EYS: variants seen among roughly 807,000 people sequenced by gnomAD.
EYS encodes the protein protein eyes shut homolog.
A neutral mutation model predicts 282.1 loss-of-function variants in EYS; 250 were observed. The observed-to-expected ratio is 0.89, with a 90% confidence interval of 0.80 to 0.98. The LOEUF (loss-of-function observed/expected upper bound fraction) is 0.98. Ranked by LOEUF, EYS falls within the 50% of genes least tolerant of loss-of-function variation. EYS has a pLI of 0.00. For missense variants in EYS, 4,016 were observed against 3,709.0 expected (o/e 1.08, Z -2.15); for synonymous variants, 1,355 against 1,282.9 (o/e 1.06, Z -1.20).
At chr6:64,107,723 A>AT (rs1260742732) in intron 31 of EYS, among the ~76,000 whole-genome samples, 4 of 152,062 alleles carry the variant, frequency 2.6e-5, no homozygotes, top group Middle Eastern at 3.4e-3. Flanking sequence ...TATTCCTCAT[A>AT]TTTTTTTGTT....
At position 64,159,787 on chromosome 6, in the gene EYS, A is replaced by G. The variant is rs58704824; in HGVS notation, c.6424+70805T>C. On this transcript the variant is annotated intron_variant, in intron 31 of 42. Coordinates refer to ENST00000503581, the MANE Select transcript of EYS (RefSeq NM_001142800.2). ...CTTCTTTCCGTATTGTGGGATGTCT[A>G]CAACCCCATGAATGTTCGTTATAGC... 2.4e-3 allele frequency among the ~76,000 whole-genome samples: 364 copies of G among 152,148 alleles called. 1 individual carries two copies. The highest frequency in any genetic ancestry group is 8.3e-3 in the African/African-American group (346 of 41,514).
chr6:65,182,362 G>T (rs904928463), intron 12 of EYS, among the ~76,000 whole-genome samples: 2 of 151,164 alleles, frequency 1.3e-5, no homozygotes, highest in Admixed American at 6.6e-5. Context: ...ATTTTTCCAG[G>T]CCAATTTTAA....
intron 12 of EYS, among the ~76,000 whole-genome samples, chr6:65,069,664 T>C (rs569924582): frequency 1.3e-3 from 198 of 152,062 alleles, no homozygotes; most frequent in African/African-American, 4.5e-3. Context: ...TCATGGGCTC[T>C]CTTTCTCCTC....
At chr6:65,408,877 T>C (rs1383593809) in intron 5 of EYS, among the ~76,000 whole-genome samples, 1 of 152,154 alleles carries the variant, frequency 6.6e-6, no homozygotes, top group Non-Finnish European at 1.5e-5. Context: ...AAGCACAGTA[T>C]AAGCACTGTT....
At chr6:64,179,069 A>C (rs1055965026) in intron 31 of EYS, among the ~76,000 whole-genome samples, 1 of 152,074 alleles carries the variant, frequency 6.6e-6, no homozygotes, top group African/African-American at 2.4e-5. Context: ...ATATTGATTC[A>C]TTTTAAAACC....
chr6:64,657,918 G>A (rs1340871351), intron 22 of EYS, among the ~76,000 whole-genome samples: 1 of 152,150 alleles, frequency 6.6e-6, no homozygotes, highest in Non-Finnish European at 1.5e-5. Flanking sequence ...CTAGATTGGG[G>A]AAGTTCTCCT....
chr6:63,987,781 G>C (rs943149479), intron 34 of EYS, among the ~76,000 whole-genome samples: 1 of 151,620 alleles, frequency 6.6e-6, no homozygotes, highest in Non-Finnish European at 1.5e-5. Flanking sequence ...AAATAATTAA[G>C]TTAGGGGTCT....
At chr6:64,303,239 T>A (rs901584174) in intron 30 of EYS, among the ~76,000 whole-genome samples, 13 of 152,248 alleles carry the variant, frequency 8.5e-5, no homozygotes, top group Non-Finnish European at 1.6e-4. Context: ...CCAGTGGGGT[T>A]CCTTAGTAAC....
intron 26 of EYS, among the ~76,000 whole-genome samples, chr6:64,451,618 C>T (rs548015105): frequency 6.6e-6 from 1 of 152,296 alleles, no homozygotes; most frequent in East Asian, 1.9e-4. Context: ...CAATAAAATA[C>T]TGGCAAACCG....
At chr6:64,067,205 G>A (rs1771403558) in intron 32 of EYS, among the ~76,000 whole-genome samples, 1 of 151,968 alleles carries the variant, frequency 6.6e-6, no homozygotes, top group Non-Finnish European at 1.5e-5. Context: ...ATCTGTCCCT[G>A]GAAGCCCATG....
chr6:65,653,740 C>T (rs1582566800), intron 1 of EYS, among the ~76,000 whole-genome samples: 1 of 151,754 alleles, frequency 6.6e-6, no homozygotes, highest in African/African-American at 2.4e-5. Flanking sequence ...TTTGACATAG[C>T]CGAAGAGTGG....
intron 2 of EYS, among the ~76,000 whole-genome samples, chr6:65,529,270 T>G (rs1355780315): frequency 6.6e-6 from 1 of 152,220 alleles, no homozygotes; most frequent in African/African-American, 2.4e-5. Context: ...GGCTTTTGGA[T>G]GCTTACTTCC....
intron 14 of EYS, among the ~76,000 whole-genome samples, chr6:64,981,433 G>GC (rs1770661816): frequency 6.6e-6 from 1 of 151,092 alleles, no homozygotes; most frequent in African/African-American, 2.4e-5. Context: ...TTTTGTTCAT[G>GC]TTTTTTTCAC....
intron 32 of EYS, among the ~76,000 whole-genome samples, chr6:64,068,759 A>T (rs571401598): frequency 6.6e-6 from 1 of 152,244 alleles, no homozygotes; most frequent in African/African-American, 2.4e-5. Context: ...TCTACCTAGA[A>T]TTAATTTTTC....
chr6:64,933,078 G>A (rs1001680327), intron 15 of EYS, among the ~76,000 whole-genome samples: 3 of 152,050 alleles, frequency 2.0e-5, no homozygotes, highest in Admixed American at 6.6e-5. Flanking sequence ...GAGGACACCC[G>A]AATATTGGAT....
At chr6:64,794,125 T>G (rs1774276080) in intron 22 of EYS, among the ~76,000 whole-genome samples, 1 of 152,166 alleles carries the variant, frequency 6.6e-6, no homozygotes, top group Non-Finnish European at 1.5e-5. Context: ...TTATTTCACT[T>G]AGCATAATGT....
intron 22 of EYS, among the ~76,000 whole-genome samples, chr6:64,672,897 A>C (rs1769516099): frequency 6.6e-6 from 1 of 152,200 alleles, no homozygotes; most frequent in Non-Finnish European, 1.5e-5. Context: ...CAGGGAAATG[A>C]AATATTGCCA....
intron 36 of EYS, among the ~76,000 whole-genome samples, chr6:63,838,171 C>T (rs567986707): frequency 6.6e-6 from 1 of 151,768 alleles, no homozygotes; most frequent in East Asian, 1.9e-4. Context: ...AAATATCTGT[C>T]ATAAATGAGT....
At chr6:65,382,005 CAT>C in intron 8 of EYS, among the ~76,000 whole-genome samples, 1 of 151,856 alleles carries the variant, frequency 6.6e-6, no homozygotes, top group African/African-American at 2.4e-5. Flanking sequence ...CATATTATCT[CAT>C]GTGAACAGTA....
Sources: allele counts gnomAD v4.1 joint callset (sites outside exome capture counted in the v4.1 genomes callset), GRCh38; gene constraint gnomAD v4.1.1; transcripts MANE v1.5; gene names NCBI Gene and HGNC (gene_info 2026-07-23, HGNC 2026-07-21).